ATM: variants seen among roughly 807,000 people sequenced by gnomAD.
The protein encoded by ATM is ATM serine/threonine kinase, also known as serine-protein kinase ATM.
In ATM, 308 loss-of-function variants were observed where a neutral mutation model predicts 387.0. The ratio of observed to expected loss-of-function variants is 0.80; its 90% confidence interval spans 0.73 to 0.87. The LOEUF is 0.87. Ranked by LOEUF, ATM falls within the 40% of genes least tolerant of loss-of-function variation. ATM has a pLI of 0.00. For synonymous variants in ATM, 1,156 were observed against 1,187.3 expected, an observed-to-expected ratio of 0.97 and a Z score of 0.54; for missense variants, 3,312 against 3,560.9, an observed-to-expected ratio of 0.93 and a Z score of 1.78.
At chr11:108,304,232 TGAG>T (rs1274425547) in intron 36 of ATM, among the ~76,000 whole-genome samples, 14 of 152,366 alleles carry the variant, frequency 9.2e-5, no homozygotes, top group Non-Finnish European at 2.1e-4. Context: ...AGTTCTTCAC[TGAG>T]GTTAGAAAAT....
rs1168392154 is a variant in ATM at position 108,232,529 on chromosome 11, T to C, written c.332-3141T>C. Among the ~76,000 whole-genome samples, 13 of 9,522 alleles carry C rather than the reference T, an allele frequency of 1.4e-3. No homozygotes were observed. In the African/African-American group the frequency reaches 0.021, roughly 16 times the overall value. 6.2% of individuals were successfully genotyped at this position (9,522 alleles called of 152,430 possible). ...AGCAAATATTGTTGATTTCTCTCCT[T>C]TTTTTTTTTTTTTTTTTTTTTTTTT... is the stretch of plus-strand genomic sequence containing the variant. On this transcript the variant is annotated intron_variant, in intron 4 of 62. Coordinates refer to ENST00000675843, the MANE Select transcript of ATM (RefSeq NM_000051.4).
intron 37 of ATM, among the ~76,000 whole-genome samples, chr11:108,305,089 T>A (rs2083619372): frequency 6.6e-6 from 1 of 152,258 alleles, no homozygotes; most frequent in South Asian, 2.1e-4. Context: ...CAGTACATTT[T>A]GGCTATTGAT....
intron 37 of ATM, among the ~76,000 whole-genome samples, chr11:108,305,315 C>T (rs938703944): frequency 3.3e-5 from 5 of 152,240 alleles, no homozygotes; most frequent in Non-Finnish European, 5.9e-5. Context: ...CACAGTGGCT[C>T]ACGCCTGTAA....
chr11:108,331,386 A>T, intron 50 of ATM, 58 bp from the exon 51 acceptor site: 2 of 1,578,718 alleles, frequency 1.3e-6, no homozygotes, highest in Non-Finnish European at 1.7e-6. Context: ...ACTTGCTTAG[A>T]TGTGAGAATA....
chr11:108,357,704 G>C (rs1162592109), intron 61 of ATM, among the ~76,000 whole-genome samples: 1 of 152,122 alleles, frequency 6.6e-6, no homozygotes, highest in Non-Finnish European at 1.5e-5. Flanking sequence ...TCACACGGCA[G>C]GGTACTCCAA....
chr11:108,266,255 C>G (rs1355920116), intron 16 of ATM, among the ~76,000 whole-genome samples: 1 of 151,304 alleles, frequency 6.6e-6, no homozygotes, highest in African/African-American at 2.4e-5. Context: ...CAATGATAGA[C>G]TGGATTAAGA....
At chr11:108,245,939 CTCAGCGT>C (rs2079828775) in intron 7 of ATM, among the ~76,000 whole-genome samples, 1 of 151,666 alleles carries the variant, frequency 6.6e-6, no homozygotes, top group Admixed American at 6.6e-5. Flanking sequence ...ATTCTCCTGC[CTCAGCGT>C]TCTGATTAGC....
chr11:108,359,995 A>T (rs2090511093), intron 61 of ATM, among the ~76,000 whole-genome samples: 1 of 151,876 alleles, frequency 6.6e-6, no homozygotes, highest in African/African-American at 2.4e-5. Context: ...TCAAAAAATT[A>T]ATGAATCCAG....
In ATM at chr11:108,331,493, A is replaced by C; in HGVS notation, c.7565A>C (p.Gln2522Pro). 6.2e-7 allele frequency: 1 copy of C among 1,613,576 alleles called. No homozygotes were observed. Residue 2522 changes from glutamine to proline, a missense_variant, in exon 51 of 63, where the codon CAA becomes CCA. Gln to Pro is a moderately conservative substitution (Grantham distance 76). This residue lies in a region of ATM where 1,405 missense variants were observed against 1,604.4 expected (regional missense o/e 0.88). Transcript: ENST00000675843. ...PTYKFLPLMY[Q>P]LAARMGTKMM... ...TATAAATTTTTGCCTCTTATGTACC[A>C]ATTGGCTGCTAGAATGGGGACCAAG...
rs200381392 is a variant in ATM, at chr11:108,251,932, G to A, written c.1703G>A (p.Arg568Lys). The change falls in exon 11 of 63, where the codon AGA becomes AAA. Residue 568 changes from arginine (R) to lysine (K), a missense_variant. Coordinates refer to ENST00000675843, the MANE Select transcript of ATM (RefSeq NM_000051.4). ...GIEQNMCEVN[R>K]SFSLKESIMK... ...GAGCAAAATATGTGTGAAGTAAATA[G>A]AAGCTTTTCTTTAAAGGAATCAATA... The A allele has an allele frequency of 1.5e-5, 25 of 1,613,880 alleles. No homozygotes were observed. In the South Asian group the frequency reaches 1.6e-4, roughly 11 times the overall value.
chr11:108,253,708 G>A (rs2080282314), intron 12 of ATM, 106 bp from the exon 13 acceptor site: 2 of 734,616 alleles, frequency 2.7e-6, no homozygotes, highest in African/African-American at 3.6e-5. Context: ...GTCTTTGAAT[G>A]ATGTAGATAC....
intron 57 of ATM, 24 bp downstream of exon 57, chr11:108,343,395 G>T (rs2136956015): frequency 6.2e-7 from 1 of 1,612,628 alleles, no homozygotes; most frequent in South Asian, 1.1e-5. Flanking sequence ...AAAATTAAAG[G>T]TTATTGTAAG....
chr11:108,275,201 T>C (rs1202400892), intron 22 of ATM, among the ~76,000 whole-genome samples: 2 of 152,204 alleles, frequency 1.3e-5, no homozygotes, highest in East Asian at 1.9e-4. Flanking sequence ...TTTTTTTCTT[T>C]CTATTTGCTT....
At chr11:108,300,008 T>C (rs2083344611) in intron 34 of ATM, 123 bp downstream of exon 34, 2 of 925,720 alleles carry the variant, frequency 2.2e-6, no homozygotes, top group Non-Finnish European at 3.3e-6. Flanking sequence ...AGTGTCTTTA[T>C]GAAAATTCTT....
At position 108,345,733 on chromosome 11, in the gene ATM, C is replaced by T. The variant is rs2137022388; in HGVS notation, c.8419-10C>T. On this transcript the variant is annotated splice_polypyrimidine_tract_variant and intron_variant, in intron 57 of 62. Coordinates refer to ENST00000675843, the MANE Select transcript of ATM (RefSeq NM_000051.4). The stretch of plus-strand genomic sequence containing the variant: ...ATTGAAAAATAATTATATATATTCT[C>T]TATTTAAAGGAGGTGCAAAAAAAGT... 6.4e-7 allele frequency: 1 copy of T among 1,567,486 alleles called. No homozygotes were observed. Among genetic ancestry groups the T allele is most frequent in the Non-Finnish European group, 8.7e-7 (1 of 1,146,072 alleles).
In ATM at chr11:108,270,727, G is replaced by A. The variant is rs4987980; in HGVS notation, c.2839-337G>A. On this transcript the variant is annotated intron_variant, in intron 18 of 62. Coordinates refer to ENST00000675843, the MANE Select transcript of ATM (RefSeq NM_000051.4). ...AAATTTTTTTTTGAGACGGAATCTC[G>A]CTCTGTTGCCCGGGCTGGAGTGCAG... 9.4e-3 allele frequency among the ~76,000 whole-genome samples: 1,431 copies of A among 151,888 alleles called. 4 individuals carry two copies. The highest frequency in any genetic ancestry group is 0.012 in the Non-Finnish European group (804 of 67,954).
rs2080161173 is a variant in ATM at position 108,251,821 on chromosome 11, C to G, written c.1608-16C>G. 1 of 1,613,362 alleles carries G rather than the reference C, an allele frequency of 6.2e-7. No individual in the cohort carries two copies. The highest frequency in any genetic ancestry group is 8.5e-7 in the Non-Finnish European group (1 of 1,179,580). ...CAATAGCTTGCTTTTCACAATTGTC[C>G]TTTGTTTTGTTATAGTCCTGCAGTA... is the stretch of plus-strand genomic sequence containing the variant. On this transcript the variant is annotated splice_polypyrimidine_tract_variant and intron_variant, in intron 10 of 62. Coordinates refer to ENST00000675843, the MANE Select transcript of ATM (RefSeq NM_000051.4).
chr11:108,244,906 A>T lies in ATM; in HGVS notation c.781A>T (p.Thr261Ser), dbSNP rs786203410. 6.2e-7 allele frequency: 1 copy of T among 1,613,728 alleles called. No individual in the cohort carries two copies. Among genetic ancestry groups the T allele is most frequent in the Non-Finnish European group, 8.5e-7 (1 of 1,179,816 alleles). Residue 261 changes from threonine to serine, a missense_variant, in exon 7 of 63, where the codon ACT becomes TCT. Transcript: ENST00000675843. ...VCELGDEILP[T>S]LLYIWTQHRL... ...TGAATTAGGAGATGAAATTCTTCCC[A>T]CTTTGCTTTATATTTGGACTCAACA...
chr11:108,285,223 G>T (rs1304363186), intron 26 of ATM, among the ~76,000 whole-genome samples: 1 of 151,954 alleles, frequency 6.6e-6, no homozygotes, highest in African/African-American at 2.4e-5. Context: ...GCCTCCCAAA[G>T]TGCTGGGATT....
Sources: gnomAD v4.1 joint callset for allele counts (sites outside exome capture counted in the v4.1 genomes callset) on GRCh38, gnomAD v4.1.1 for gene constraint, gnomAD v4.1.1 regional missense constraint, MANE v1.5 for transcripts, NCBI Gene and HGNC (gene_info 2026-07-23, HGNC 2026-07-21) for gene names.